Variants in ZBTB20 observed in about 807,000 individuals in gnomAD.
ZBTB20 encodes zinc finger and BTB domain containing 20.
In ZBTB20, 9 loss-of-function variants were observed where a neutral mutation model predicts 56.9. The observed-to-expected ratio is 0.16, with a 90% CI of 0.10 to 0.28. The LOEUF (loss-of-function observed/expected upper bound fraction) is 0.28, where lower values mean the gene tolerates loss of function less well. ZBTB20 is among the 10% of genes least tolerant of loss of function. The pLI is 1.00. For synonymous variants in ZBTB20, 417 were observed against 420.7 expected (o/e 0.99, Z 0.11); for missense variants, 655 against 1,003.0 (o/e 0.65, Z 4.69).
At position 114,507,206 on chromosome 3, in the gene ZBTB20, C is replaced by T. The variant is rs1049350986; in HGVS notation, c.-294-6815G>A. On this transcript the variant is annotated intron_variant, in intron 6 of 11. Transcript: ENST00000675478. ...TACTTTTTCGGGAACAAGTTTAAAC[C>T]TCAAGGTTAAATGAACACAAATGCC... Among the ~76,000 whole-genome samples the T allele has an allele frequency of 4.6e-5, 7 of 152,222 alleles. No homozygotes were observed. In the East Asian group the frequency reaches 1.3e-3, roughly 29 times the overall value.
rs1352959695 is a variant in ZBTB20, at chr3:114,974,405, CTTT to C, written c.-498_-496del. On this transcript the variant is annotated 5_prime_UTR_variant, in exon 3 of 12. Coordinates refer to ENST00000675478, the MANE Select transcript of ZBTB20 (RefSeq NM_001348800.3). ...GTCCCAAAGGCAATTCTTAACACTT[CTTT>C]TTATTTGTCTGTAAAAAAAGGAATA... The C allele has an allele frequency of 6.6e-6, 1 of 152,068 alleles. No individual in the cohort carries two copies. Among genetic ancestry groups the C allele is most frequent in the Non-Finnish European group, 1.5e-5 (1 of 67,978 alleles). The allele number at this position is 152,068 out of a possible 1,614,324, so 9.4% of individuals were successfully genotyped here.
intron 4 of ZBTB20, among the ~76,000 whole-genome samples, chr3:114,865,409 GA>G (rs2075725718): frequency 6.6e-6 from 1 of 152,104 alleles, no homozygotes; most frequent in Non-Finnish European, 1.5e-5. Context: ...ACTAGAGAAA[GA>G]AATATTTGGT....
chr3:114,791,020 A>G (rs2070923121), intron 5 of ZBTB20, among the ~76,000 whole-genome samples: 2 of 152,130 alleles, frequency 1.3e-5, no homozygotes, highest in South Asian at 4.1e-4. Flanking sequence ...TTACATTTCC[A>G]CTAGTACTTC....
intron 2 of ZBTB20, among the ~76,000 whole-genome samples, chr3:115,030,276 A>G (rs2080613388): frequency 6.6e-6 from 1 of 150,972 alleles, no homozygotes; most frequent in South Asian, 2.1e-4. Flanking sequence ...TTCAAGCATC[A>G]TTTCTGACAT....
intron 7 of ZBTB20, among the ~76,000 whole-genome samples, chr3:114,498,564 C>A (rs1355951119): frequency 2.0e-5 from 3 of 152,126 alleles, no homozygotes; most frequent in Non-Finnish European, 4.4e-5. Context: ...AGCCCGGTCA[C>A]CCTGCTGATA....
chr3:114,590,145 T>C (rs555040722), intron 6 of ZBTB20, among the ~76,000 whole-genome samples: 4 of 152,300 alleles, frequency 2.6e-5, no homozygotes, highest in Middle Eastern at 6.8e-3. Flanking sequence ...TTTAATCGCT[T>C]TCTTCACAAG....
intron 5 of ZBTB20, among the ~76,000 whole-genome samples, chr3:114,695,873 T>C (rs911690866): frequency 6.6e-6 from 1 of 152,052 alleles, no homozygotes; most frequent in Admixed American, 6.6e-5. Context: ...GAAAAATGCA[T>C]GTGGGAATAT....
Position 115,145,413 on chromosome 3 carries a change from C to T in ZBTB20, c.-703+1806G>A, listed in dbSNP as rs140664740. On this transcript the variant is annotated intron_variant, in intron 1 of 11. Coordinates refer to ENST00000675478, the MANE Select transcript of ZBTB20 (RefSeq NM_001348800.3). ...ACCAAAATCCACAGATGCTCAAGTC[C>T]CTTACATAAAATAGTGTAGTATTTG... 8.4e-4 allele frequency among the ~76,000 whole-genome samples: 128 copies of T among 152,214 alleles called. 1 individual carries two copies. Among genetic ancestry groups the T allele is most frequent in the African/African-American group, 3.0e-3 (125 of 41,522 alleles).
intron 4 of ZBTB20, among the ~76,000 whole-genome samples, chr3:114,874,943 G>C (rs537421442): frequency 9.9e-5 from 15 of 152,102 alleles, no homozygotes; most frequent in South Asian, 4.1e-4. Context: ...TATGCTACAG[G>C]GGGGAGGAGC....
intron 3 of ZBTB20, among the ~76,000 whole-genome samples, chr3:114,942,139 T>A (rs1433148591): frequency 6.9e-6 from 1 of 145,908 alleles, no homozygotes; most frequent in Non-Finnish European, 1.5e-5. Context: ...TAGTCACAGT[T>A]TAATAAATAA....
At chr3:114,530,488 G>A (rs2047720304) in intron 6 of ZBTB20, among the ~76,000 whole-genome samples, 1 of 152,108 alleles carries the variant, frequency 6.6e-6, no homozygotes, top group Non-Finnish European at 1.5e-5. Flanking sequence ...TTCACACAAC[G>A]ATGAAATTGC....
At chr3:114,860,652 G>A (rs1234091445) in intron 4 of ZBTB20, among the ~76,000 whole-genome samples, 2 of 152,214 alleles carry the variant, frequency 1.3e-5, no homozygotes, top group Non-Finnish European at 2.9e-5. Flanking sequence ...CTAAGTGGAA[G>A]AAAGGTGAAA....
At chr3:114,627,691 A>C (rs1248221010) in intron 6 of ZBTB20, among the ~76,000 whole-genome samples, 1 of 152,248 alleles carries the variant, frequency 6.6e-6, no homozygotes, top group African/African-American at 2.4e-5. Context: ...TAACAAAATA[A>C]TTCCATTGTA....
At chr3:115,132,716 G>C (rs1244369675) in intron 1 of ZBTB20, among the ~76,000 whole-genome samples, 1 of 151,924 alleles carries the variant, frequency 6.6e-6, no homozygotes, top group Non-Finnish European at 1.5e-5. Flanking sequence ...AGTGATCCCT[G>C]ATCATGCCAC....
chr3:114,528,821 A>C (rs2047518706), intron 6 of ZBTB20: 1 of 151,772 alleles, frequency 6.6e-6, no homozygotes, highest in Non-Finnish European at 1.5e-5. Flanking sequence ...CGTATTGCAG[A>C]TTTTTTTTTC....
chr3:115,128,003 C>CT (rs1193800277), intron 1 of ZBTB20, among the ~76,000 whole-genome samples: 12 of 152,154 alleles, frequency 7.9e-5, no homozygotes, highest in Admixed American at 2.6e-4. Flanking sequence ...AAAACTGCAA[C>CT]TAGCAATTGG....
chr3:114,864,694 T>TC (rs1197371843), intron 4 of ZBTB20, among the ~76,000 whole-genome samples: 4 of 152,092 alleles, frequency 2.6e-5, no homozygotes, highest in Non-Finnish European at 1.5e-5. Context: ...GGGCGATAGG[T>TC]AATGCATGGA....
chr3:114,848,477 C>T (rs1490877429), intron 4 of ZBTB20, among the ~76,000 whole-genome samples: 1 of 152,182 alleles, frequency 6.6e-6, no homozygotes, highest in Non-Finnish European at 1.5e-5. Flanking sequence ...GTGCCCCCAA[C>T]AGACATGGAA....
rs186278441 is a variant in ZBTB20 at position 114,335,676 on chromosome 3, A to G, written c.*3329T>C. On this transcript the variant is annotated 3_prime_UTR_variant, in exon 12 of 12. Coordinates refer to ENST00000675478, the MANE Select transcript of ZBTB20 (RefSeq NM_001348800.3). ...TTTGTCAACTATTTTAGAATGTGACATATTTGGGAAGGATAAATGTACAGT... is the reference window on the plus strand; with the variant it reads ...TTTGTCAACTATTTTAGAATGTGACGTATTTGGGAAGGATAAATGTACAGT... 23 of 152,348 alleles carry G rather than the reference A, an allele frequency of 1.5e-4. No individual in the cohort carries two copies. The highest frequency in any genetic ancestry group is 5.3e-4 in the African/African-American group (22 of 41,586). 9.4% of individuals were successfully genotyped at this position (152,348 alleles called of 1,614,324 possible).
Sources: gnomAD v4.1 joint callset for allele counts (sites outside exome capture counted in the v4.1 genomes callset) on GRCh38, gnomAD v4.1.1 for gene constraint, MANE v1.5 for transcripts, NCBI Gene and HGNC (gene_info 2026-07-23, HGNC 2026-07-21) for gene names.